TYW1: variants seen among roughly 807,000 people sequenced by gnomAD.
TYW1 encodes the protein tRNA-yW synthesizing protein 1 homolog, also known as S-adenosyl-L-methionine-dependent tRNA 4-demethylwyosine synthase TYW1.
A neutral mutation model predicts 96.2 loss-of-function variants in TYW1; 46 were observed. The observed-to-expected ratio is 0.48, with a 90% CI of 0.38 to 0.61. The LOEUF is 0.61. Among genes scored for constraint, TYW1 ranks in the 20% least tolerant of loss-of-function variants. The probability of loss-of-function intolerance (pLI) is 0.00; values close to 1 mark genes in which losing one functional copy is unlikely to be tolerated. For missense variants in TYW1, 684 were observed against 909.6 expected (o/e 0.75, Z 3.19); for synonymous variants, 274 against 323.0 (o/e 0.85, Z 1.63).
At chr7:67,054,011 G>A (rs1795438313) in intron 8 of TYW1, among the ~76,000 whole-genome samples, 1 of 152,206 alleles carries the variant, frequency 6.6e-6, no homozygotes, top group African/African-American at 2.4e-5. Context: ...TAGACAGTAA[G>A]CCAAGGTAAT....
intron 3 of TYW1, among the ~76,000 whole-genome samples, chr7:67,006,463 G>A (rs1793593020): frequency 9.6e-6 from 1 of 104,688 alleles, no homozygotes; most frequent in Admixed American, 1.3e-4. Flanking sequence ...TTTTTGAGAT[G>A]GAGTCTCACC....
chr7:67,200,454 G>A (rs1800555796), intron 15 of TYW1, among the ~76,000 whole-genome samples: 1 of 152,088 alleles, frequency 6.6e-6, no homozygotes, highest in Non-Finnish European at 1.5e-5. Flanking sequence ...AGAAAAGAGG[G>A]CCAAGCGAAA....
intron 11 of TYW1, among the ~76,000 whole-genome samples, chr7:67,087,453 G>A (rs1361265506): frequency 6.6e-6 from 1 of 152,210 alleles, no homozygotes; most frequent in Non-Finnish European, 1.5e-5. Context: ...CACGTCTATG[G>A]ATGCGTGAAT....
At chr7:67,015,960 C>T (rs1056773901) in intron 5 of TYW1, among the ~76,000 whole-genome samples, 3 of 137,198 alleles carry the variant, frequency 2.2e-5, no homozygotes, top group African/African-American at 8.1e-5. Flanking sequence ...GAGACTATGT[C>T]TCAAAAAAAA....
chr7:67,094,909 G>C (rs569738924), intron 11 of TYW1, among the ~76,000 whole-genome samples: 1 of 152,086 alleles, frequency 6.6e-6, no homozygotes, highest in African/African-American at 2.4e-5. Context: ...TTGTACAGGG[G>C]ATCAAGGCCC....
chr7:67,103,057 TG>T (rs1797137460), intron 12 of TYW1, among the ~76,000 whole-genome samples: 1 of 152,172 alleles, frequency 6.6e-6, no homozygotes, highest in South Asian at 2.1e-4. Context: ...TGTCCTTCCC[TG>T]GAACAAGACA....
intron 12 of TYW1, among the ~76,000 whole-genome samples, chr7:67,117,261 A>G (rs1461805827): frequency 1.3e-5 from 2 of 152,140 alleles, no homozygotes; most frequent in African/African-American, 2.4e-5. Context: ...AATATTTTCA[A>G]TGTATTAGGG....
At chr7:67,212,577 G>A (rs1026921781) in intron 15 of TYW1, among the ~76,000 whole-genome samples, 6 of 152,172 alleles carry the variant, frequency 3.9e-5, no homozygotes, top group African/African-American at 1.4e-4. Flanking sequence ...GTCTTCCAAA[G>A]TAGCTGTGCC....
chr7:67,185,802 A>G (rs1263833664), intron 14 of TYW1, among the ~76,000 whole-genome samples: 3 of 152,150 alleles, frequency 2.0e-5, no homozygotes, highest in Admixed American at 6.5e-5. Context: ...AGACAAGAGA[A>G]GTGATGAGAA....
At chr7:67,111,606 A>G (rs899538974) in intron 12 of TYW1, among the ~76,000 whole-genome samples, 15 of 152,228 alleles carry the variant, frequency 9.9e-5, no homozygotes, top group African/African-American at 3.4e-4. Context: ...GCATGCCAAC[A>G]TATTTATAAA....
intron 13 of TYW1, among the ~76,000 whole-genome samples, chr7:67,141,035 A>T (rs11769413): frequency 0.26 from 39,468 of 152,044 alleles, 5,588 homozygotes; most frequent in African/African-American, 0.38. Context: ...TTTCTAAGGA[A>T]TAATAACCTA....
At chr7:67,138,215 C>T (rs1210260690) in intron 13 of TYW1, among the ~76,000 whole-genome samples, 1 of 152,086 alleles carries the variant, frequency 6.6e-6, no homozygotes, top group Non-Finnish European at 1.5e-5. Flanking sequence ...AACTGGTAGT[C>T]CTCCTGGTTT....
intron 13 of TYW1, among the ~76,000 whole-genome samples, chr7:67,120,243 G>A (rs1023940649): frequency 2.6e-5 from 4 of 151,720 alleles, no homozygotes; most frequent in East Asian, 1.9e-4. Context: ...CACCATGCCC[G>A]GCTAATTTTT....
intron 8 of TYW1, among the ~76,000 whole-genome samples, chr7:67,052,932 G>A (rs149507545): frequency 0.046 from 6,900 of 151,362 alleles, 173 homozygotes; most frequent in Middle Eastern, 0.11. Flanking sequence ...TAGTAGAGAC[G>A]GGGTTTTACC....
chr7:67,158,655 C>A (rs557293254), intron 13 of TYW1, among the ~76,000 whole-genome samples: 6 of 151,618 alleles, frequency 4.0e-5, no homozygotes, highest in Admixed American at 3.3e-4. Flanking sequence ...CTGCAAGCTC[C>A]GCCTCCCGGG....
At chr7:67,092,130 G>T (rs2115823339) in intron 11 of TYW1, among the ~76,000 whole-genome samples, 1 of 152,238 alleles carries the variant, frequency 6.6e-6, no homozygotes, top group South Asian at 2.1e-4. Flanking sequence ...ACACTTTGTA[G>T]AAATCATTGA....
At chr7:67,032,728 G>T (rs960901391) in intron 7 of TYW1, among the ~76,000 whole-genome samples, 1 of 151,920 alleles carries the variant, frequency 6.6e-6, no homozygotes, top group Non-Finnish European at 1.5e-5. Flanking sequence ...CTCTTTCCAG[G>T]GAATGTTTTC....
chr7:67,154,086 AT>A (rs1258125765), intron 13 of TYW1, among the ~76,000 whole-genome samples: 1 of 151,446 alleles, frequency 6.6e-6, no homozygotes, highest in Non-Finnish European at 1.5e-5. Flanking sequence ...ACACCTGGCT[AT>A]TTTTTTTGTA....
chr7:67,158,291 G>A (rs1365922493), intron 13 of TYW1, among the ~76,000 whole-genome samples: 3 of 151,990 alleles, frequency 2.0e-5, no homozygotes, highest in Non-Finnish European at 4.4e-5. Flanking sequence ...GTTCAGCTGT[G>A]TTGGTCAGGC....
Sources: gnomAD v4.1 joint callset for allele counts (sites outside exome capture counted in the v4.1 genomes callset) on GRCh38, gnomAD v4.1.1 for gene constraint, MANE v1.5 for transcripts, NCBI Gene and HGNC (gene_info 2026-07-23, HGNC 2026-07-21) for gene names.